The following PRELID2 variants were observed in gnomAD, a reference collection of about 807,000 sequenced individuals.
The protein encoded by PRELID2 is PRELI domain-containing protein 2.
In PRELID2, 25 loss-of-function variants were observed where a neutral mutation model predicts 28.4. The observed-to-expected ratio is 0.88, with a 90% CI of 0.64 to 1.23. The LOEUF (loss-of-function observed/expected upper bound fraction) is 1.23, where lower values mean the gene tolerates loss of function less well. Ranked by LOEUF, PRELID2 falls within the 50% of genes most tolerant of loss-of-function variation. The pLI, the probability that PRELID2 is intolerant of heterozygous loss-of-function variation, is 0.00. For synonymous variants in PRELID2, 76 were observed against 71.6 expected (o/e 1.06, Z -0.31); for missense variants, 201 against 214.4 (o/e 0.94, Z 0.39).
chr5:145,312,544 G>C, the PRELID2 span, among the ~76,000 whole-genome samples: 54 of 151,962 alleles, frequency 3.6e-4, no homozygotes, highest in Non-Finnish European at 7.2e-4. Flanking sequence ...GGTAACCATC[G>C]GTCTACTCTC....
intron 1 of PRELID2, among the ~76,000 whole-genome samples, chr5:145,748,956 C>T (rs1401988690): frequency 6.6e-6 from 1 of 152,128 alleles, no homozygotes; most frequent in South Asian, 2.1e-4. Context: ...CTTCCTTACA[C>T]CTTATACAAA....
chr5:145,546,299 A>G lies in PRELID2; in HGVS notation n.71-72984T>C, dbSNP rs114142179. 9.8e-3 allele frequency among the ~76,000 whole-genome samples: 1,499 copies of G among 152,304 alleles called. 7 individuals are homozygous for G. The highest frequency in any genetic ancestry group is 0.016 in the African/African-American group (645 of 41,580). ...CTGAAAATAATCATTTTAATACTCA[A>G]TATCTCTAATACATGCAAAAATAAA... On this transcript the variant is annotated intron_variant and non_coding_transcript_variant, in intron 1 of 2. Transcript: ENST00000510259.
intron 5 of PRELID2, among the ~76,000 whole-genome samples, chr5:145,790,910 T>TATATAC (rs1239617391): frequency 6.7e-6 from 1 of 148,990 alleles, no homozygotes. Context: ...TATATATATA[T>TATATAC]ACCAAAAAGA....
intron 5 of PRELID2, among the ~76,000 whole-genome samples, chr5:145,781,264 C>T (rs1273600382): frequency 2.0e-5 from 3 of 152,182 alleles, no homozygotes; most frequent in Non-Finnish European, 4.4e-5. Context: ...AAGTAGCATG[C>T]TGCAGGGCTG....
chr5:145,316,979 A>G, the PRELID2 span, among the ~76,000 whole-genome samples: 1 of 152,258 alleles, frequency 6.6e-6, no homozygotes, highest in Non-Finnish European at 1.5e-5. Flanking sequence ...TTCAAGAAGA[A>G]ATCAGATTCC....
the PRELID2 span, among the ~76,000 whole-genome samples, chr5:145,360,288 C>T: frequency 6.6e-6 from 1 of 152,222 alleles, no homozygotes; most frequent in Admixed American, 6.5e-5. Flanking sequence ...GGAAGGCAGT[C>T]CTGACATTTC....
chr5:145,402,368 G>T, the PRELID2 span, among the ~76,000 whole-genome samples: 59 of 152,204 alleles, frequency 3.9e-4, 1 homozygote, highest in Admixed American at 1.1e-3. Context: ...ATACTACAAA[G>T]GTGACCAAAT....
At chr5:145,776,647 G>A (rs889389041) in intron 5 of PRELID2, among the ~76,000 whole-genome samples, 7 of 152,312 alleles carry the variant, frequency 4.6e-5, no homozygotes, top group Non-Finnish European at 5.9e-5. Flanking sequence ...AGATAAGGGG[G>A]ACTACTGTAT....
At chr5:145,794,566 A>G (rs1752608096) in intron 5 of PRELID2, among the ~76,000 whole-genome samples, 1 of 152,176 alleles carries the variant, frequency 6.6e-6, no homozygotes, top group Non-Finnish European at 1.5e-5. Context: ...TTGAAGAAAC[A>G]CATTTAGCCC....
At chr5:145,273,258 G>C in the PRELID2 span, among the ~76,000 whole-genome samples, 1 of 152,102 alleles carries the variant, frequency 6.6e-6, no homozygotes, top group Non-Finnish European at 1.5e-5. Context: ...ATTACCAAAA[G>C]AGCAATTTCT....
At chr5:145,677,162 T>G (rs190274596) in intron 1 of PRELID2, among the ~76,000 whole-genome samples, 2,364 of 147,724 alleles carry the variant, frequency 0.016, 58 homozygotes, top group African/African-American at 0.052. Context: ...GTTTTTTTTT[T>G]TTTTTTTTTT....
intron 5 of PRELID2, among the ~76,000 whole-genome samples, chr5:145,788,365 C>A (rs1027766254): frequency 5.9e-5 from 9 of 152,194 alleles, no homozygotes; most frequent in Admixed American, 2.0e-4. Context: ...AACATACTAT[C>A]TTCTATTGGC....
chr5:145,814,903 C>T (rs558865888), intron 4 of PRELID2, among the ~76,000 whole-genome samples: 22 of 152,196 alleles, frequency 1.4e-4, no homozygotes, highest in African/African-American at 1.9e-4. Flanking sequence ...GGAATGAACA[C>T]GCTCATGCGC....
the PRELID2 span, among the ~76,000 whole-genome samples, chr5:145,265,906 G>T: frequency 6.6e-6 from 1 of 152,168 alleles, no homozygotes; most frequent in Non-Finnish European, 1.5e-5. Flanking sequence ...TTTAGGCAAA[G>T]ACTTCATGGG....
intron 1 of PRELID2, among the ~76,000 whole-genome samples, chr5:145,737,727 T>C (rs1275459312): frequency 1.3e-5 from 2 of 151,712 alleles, no homozygotes; most frequent in East Asian, 3.9e-4. Context: ...TGACTCACCA[T>C]AACCCACACT....
chr5:145,581,388 G>A (rs1460243947), intron 1 of PRELID2, among the ~76,000 whole-genome samples: 1 of 152,080 alleles, frequency 6.6e-6, no homozygotes, highest in African/African-American at 2.4e-5. Flanking sequence ...GTCTGGTATT[G>A]CGCAGACATG....
chr5:145,377,061 G>A, the PRELID2 span, among the ~76,000 whole-genome samples: 3 of 152,120 alleles, frequency 2.0e-5, no homozygotes, highest in East Asian at 3.9e-4. Flanking sequence ...TGCCTTAGAT[G>A]TGTCCCAGAG....
chr5:145,296,230 G>A, the PRELID2 span, among the ~76,000 whole-genome samples: 2 of 151,318 alleles, frequency 1.3e-5, no homozygotes. Flanking sequence ...TAGGGTACAT[G>A]TGCACAATGT....
At chr5:145,671,624 A>AATTCACC (rs1330002225) in intron 1 of PRELID2, among the ~76,000 whole-genome samples, 1 of 152,216 alleles carries the variant, frequency 6.6e-6, no homozygotes, top group Non-Finnish European at 1.5e-5. Context: ...GCATATAAAC[A>AATTCACC]ATTCACCAGC....
Sources: gnomAD v4.1 joint callset for allele counts (sites outside exome capture counted in the v4.1 genomes callset) on GRCh38, gnomAD v4.1.1 for gene constraint, MANE v1.5 for transcripts, NCBI Gene and HGNC (gene_info 2026-07-23, HGNC 2026-07-21) for gene names.